INPP4B: variants seen among roughly 807,000 people sequenced by gnomAD.
INPP4B encodes the protein inositol polyphosphate-4-phosphatase type II B.
A neutral mutation model predicts 122.5 loss-of-function variants in INPP4B; 55 were observed. The ratio of observed to expected loss-of-function variants is 0.45; its 90% confidence interval spans 0.36 to 0.56. The LOEUF is 0.56. INPP4B is among the 20% of genes least tolerant of loss of function. The pLI, the probability that INPP4B is intolerant of heterozygous loss-of-function variation, is 0.00. For missense variants in INPP4B, 1,000 were observed against 1,097.7 expected (o/e 0.91, Z 1.26); for synonymous variants, 403 against 388.7 (o/e 1.04, Z -0.43).
At chr4:142,533,045 G>A (rs1225109817) in intron 2 of INPP4B, among the ~76,000 whole-genome samples, 10 of 152,068 alleles carry the variant, frequency 6.6e-5, no homozygotes, top group South Asian at 2.1e-4. Context: ...TCAAAAATAC[G>A]GTCTCAGTTA....
intron 25 of INPP4B, among the ~76,000 whole-genome samples, chr4:142,031,231 G>T (rs1396017741): frequency 6.6e-6 from 1 of 152,126 alleles, no homozygotes; most frequent in Non-Finnish European, 1.5e-5. Flanking sequence ...GGTTAAGGGG[G>T]TGGGATATTC....
intron 23 of INPP4B, among the ~76,000 whole-genome samples, chr4:142,093,609 C>T (rs1337415032): frequency 3.3e-5 from 5 of 152,112 alleles, no homozygotes; most frequent in African/African-American, 1.2e-4. Flanking sequence ...GTTAACTGTA[C>T]TAGCAAGCAG....
chr4:142,470,545 G>T (rs1818625752), intron 2 of INPP4B, among the ~76,000 whole-genome samples: 1 of 152,088 alleles, frequency 6.6e-6, no homozygotes, highest in Admixed American at 6.5e-5. Flanking sequence ...CACCATATGT[G>T]GTTAGCACAA....
chr4:142,260,586 A>AG, intron 10 of INPP4B, 22 bp from the exon 11 acceptor site: 1 of 1,473,350 alleles, frequency 6.8e-7, no homozygotes, highest in African/African-American at 1.5e-5. Flanking sequence ...TGTAAAAAAA[A>AG]AAAAAAAATT....
chr4:142,688,977 T>C (rs538169827), intron 2 of INPP4B, among the ~76,000 whole-genome samples: 1 of 152,328 alleles, frequency 6.6e-6, no homozygotes, highest in Non-Finnish European at 1.5e-5. Flanking sequence ...TTTCGACTCC[T>C]CATGATTTCA....
At chr4:142,476,686 A>C (rs989656088) in intron 2 of INPP4B, among the ~76,000 whole-genome samples, 1 of 152,176 alleles carries the variant, frequency 6.6e-6, no homozygotes. Context: ...AGACATTAAC[A>C]AACAGTGATC....
intron 2 of INPP4B, among the ~76,000 whole-genome samples, chr4:142,571,437 AT>A (rs1333607964): frequency 4.6e-5 from 7 of 152,164 alleles, no homozygotes; most frequent in Admixed American, 4.6e-4. Flanking sequence ...TCAGCTAATC[AT>A]TATTCACATA....
intron 5 of INPP4B, among the ~76,000 whole-genome samples, chr4:142,428,243 AT>A (rs1171312296): frequency 6.6e-6 from 1 of 150,956 alleles, no homozygotes; most frequent in Non-Finnish European, 1.5e-5. Flanking sequence ...AGTATAGAGT[AT>A]ATATATATAT....
intron 1 of INPP4B, among the ~76,000 whole-genome samples, chr4:142,825,559 T>C (rs1781356713): frequency 6.6e-6 from 1 of 152,092 alleles, no homozygotes; most frequent in African/African-American, 2.4e-5. Context: ...CTAGTAGAGT[T>C]ATTAAGAGTG....
At chr4:142,305,630 T>A (rs1347450651) in intron 8 of INPP4B, 93 bp from the exon 9 acceptor site, 3 of 1,514,978 alleles carry the variant, frequency 2.0e-6, no homozygotes, top group East Asian at 4.6e-5. Context: ...TTTAGAAGAA[T>A]GAAATATTAA....
intron 2 of INPP4B, among the ~76,000 whole-genome samples, chr4:142,691,282 G>GA (rs1005918058): frequency 1.3e-5 from 2 of 150,398 alleles, no homozygotes; most frequent in African/African-American, 4.9e-5. Context: ...GAAGCATTTT[G>GA]AAAAAATGTC....
chr4:142,733,803 G>A (rs182244649), intron 1 of INPP4B, among the ~76,000 whole-genome samples: 69 of 152,246 alleles, frequency 4.5e-4, no homozygotes, highest in Admixed American at 7.8e-4. Flanking sequence ...AATATTCTCA[G>A]TAGCACTATT....
chr4:142,824,931 C>A (rs975833387), intron 1 of INPP4B, among the ~76,000 whole-genome samples: 3 of 151,454 alleles, frequency 2.0e-5, no homozygotes, highest in African/African-American at 4.8e-5. Flanking sequence ...GTGTTGAGGA[C>A]TTTTTTTTAA....
At chr4:142,192,333 T>TAAAAAAAA (rs71586265) in intron 15 of INPP4B, among the ~76,000 whole-genome samples, 3 of 8,966 alleles carry the variant, frequency 3.3e-4, no homozygotes, top group African/African-American at 4.5e-4. Flanking sequence ...AATCTAAAAG[T>TAAAAAAAA]AAAAAAAAAA....
intron 2 of INPP4B, among the ~76,000 whole-genome samples, chr4:142,692,602 C>T (rs12500698): frequency 6.6e-6 from 1 of 152,112 alleles, no homozygotes; most frequent in South Asian, 2.1e-4. Flanking sequence ...GCTATTCTTT[C>T]GAGCAGATCT....
At chr4:142,091,333 T>G in intron 23 of INPP4B, among the ~76,000 whole-genome samples, 1 of 152,186 alleles carries the variant, frequency 6.6e-6, no homozygotes, top group East Asian at 1.9e-4. Flanking sequence ...GCAAATTGCT[T>G]AACCCTCTGT....
At chr4:142,201,723 G>A (rs1840708075) in intron 14 of INPP4B, among the ~76,000 whole-genome samples, 1 of 151,682 alleles carries the variant, frequency 6.6e-6, no homozygotes, top group African/African-American at 2.4e-5. Context: ...TAACCTATAA[G>A]AAAACAAAAT....
chr4:142,473,885 C>A (rs533836539), intron 2 of INPP4B, among the ~76,000 whole-genome samples: 2 of 152,286 alleles, frequency 1.3e-5, no homozygotes, highest in Non-Finnish European at 2.9e-5. Flanking sequence ...CCGGGAAGCA[C>A]CCAGATGACA....
chr4:142,394,297 C>G (rs958797078), intron 7 of INPP4B, among the ~76,000 whole-genome samples: 1 of 152,216 alleles, frequency 6.6e-6, no homozygotes, highest in African/African-American at 2.4e-5. Context: ...AGGCTCCTGT[C>G]ACCACGCCCG....
Sources: allele counts gnomAD v4.1 joint callset (sites outside exome capture counted in the v4.1 genomes callset), GRCh38; gene constraint gnomAD v4.1.1; transcripts MANE v1.5; gene names NCBI Gene and HGNC (gene_info 2026-07-23, HGNC 2026-07-21).